Variants in CYTH3 observed in about 807,000 individuals in gnomAD.
The protein encoded by CYTH3 is cytohesin-3.
In CYTH3, 23 loss-of-function variants were observed where a neutral mutation model predicts 55.1. The ratio of observed to expected loss-of-function variants is 0.42; its 90% CI spans 0.30 to 0.59. The LOEUF (loss-of-function observed/expected upper bound fraction) is 0.59. Ranked by LOEUF, CYTH3 falls within the 20% of genes least tolerant of loss-of-function variation. The pLI is 0.20. For synonymous variants in CYTH3, 249 were observed against 194.9 expected (o/e 1.28, Z -2.31); for missense variants, 413 against 524.8 (o/e 0.79, Z 2.08).
intron 1 of CYTH3, among the ~76,000 whole-genome samples, chr7:6,230,466 T>C (rs770369241): frequency 1.3e-5 from 2 of 152,194 alleles, no homozygotes; most frequent in Non-Finnish European, 2.9e-5. Flanking sequence ...AAACCTGGAA[T>C]CCTAATTATC....
At chr7:6,166,931 G>A (rs78794658) in intron 9 of CYTH3, among the ~76,000 whole-genome samples, 2,004 of 152,226 alleles carry the variant, frequency 0.013, 26 homozygotes, top group Middle Eastern at 0.061. Flanking sequence ...CCTGTTAAAG[G>A]GTCTGTCTAG....
chr7:6,202,830 C>T (rs1467838840), intron 1 of CYTH3, among the ~76,000 whole-genome samples: 3 of 152,062 alleles, frequency 2.0e-5, no homozygotes, highest in Admixed American at 2.0e-4. Flanking sequence ...GATACATTTA[C>T]AATGAACATA....
At chr7:6,212,490 G>A (rs1418004238) in intron 1 of CYTH3, 1 of 151,966 alleles carries the variant, frequency 6.6e-6, no homozygotes, top group Non-Finnish European at 1.5e-5. Context: ...AACTACTCAG[G>A]TACCTCACAT....
At chr7:6,241,823 GC>G (rs1268821711) in intron 1 of CYTH3, among the ~76,000 whole-genome samples, 3 of 152,108 alleles carry the variant, frequency 2.0e-5, no homozygotes, top group African/African-American at 7.2e-5. Context: ...AAAATAAGGT[GC>G]GAAAAGGCTC....
intron 1 of CYTH3, among the ~76,000 whole-genome samples, chr7:6,212,341 C>T (rs1462652106): frequency 1.3e-5 from 2 of 152,198 alleles, no homozygotes; most frequent in African/African-American, 4.8e-5. Context: ...TATATTCACA[C>T]TGTTTTGCAA....
intron 4 of CYTH3, among the ~76,000 whole-genome samples, chr7:6,180,886 C>T (rs971698485): frequency 6.6e-6 from 1 of 152,166 alleles, no homozygotes; most frequent in African/African-American, 2.4e-5. Flanking sequence ...ACCCAAGTGT[C>T]TGTCTTGTCA....
rs781110781 is a variant in CYTH3 at position 6,170,559 on chromosome 7, G to A, written c.799C>T (p.Arg267Cys). The A allele has an allele frequency of 1.9e-6, 3 of 1,613,994 alleles. No individual in the cohort carries two copies. The highest frequency in any genetic ancestry group is 1.7e-5 in the Admixed American group (1 of 60,012). ...CCCAGCTTCAGGAGCCAGCCCTCGC[G>A]GTCGGGGTTGAAGAAGGTGTGGGTC... ...DLTHTFFNPD[R>C]EGWLLKLGGR... Residue 267 changes from arginine to cysteine, a missense_variant, in exon 9 of 13, where the codon CGC becomes TGC. Arg to Cys is a radical substitution (Grantham distance 180, BLOSUM62 -3). Around this residue, in one of 4 missense-constraint regions of CYTH3, gnomAD observed 156 missense variants for 233.1 expected, o/e 0.67. Transcript: ENST00000350796. This position sits in a 1 kb window ranked among gnomAD's most constrained non-coding sequence, Gnocchi z 7.8.
chr7:6,259,771 ATTATATATATATAATATATATATAT>A (rs1562417509), intron 1 of CYTH3, among the ~76,000 whole-genome samples: 2 of 22,358 alleles, frequency 8.9e-5, no homozygotes, highest in Non-Finnish European at 1.2e-4. Flanking sequence ...ATATATATAT[ATTATATATATATAATATATATATAT>A]ATATATATAT....
At chr7:6,201,298 C>G (rs376446832) in intron 1 of CYTH3, among the ~76,000 whole-genome samples, 11 of 152,302 alleles carry the variant, frequency 7.2e-5, no homozygotes, top group South Asian at 2.1e-4. Flanking sequence ...CCGCAGCTAG[C>G]CAGGATGCTG....
At chr7:6,249,804 AATG>A (rs1329259836) in intron 1 of CYTH3, among the ~76,000 whole-genome samples, 1 of 152,214 alleles carries the variant, frequency 6.6e-6, no homozygotes, top group Non-Finnish European at 1.5e-5. Flanking sequence ...GACACTGTGA[AATG>A]ATGACCACAG....
intron 1 of CYTH3, among the ~76,000 whole-genome samples, chr7:6,234,285 T>G (rs144702845): frequency 8.7e-4 from 132 of 152,184 alleles, no homozygotes; most frequent in Middle Eastern, 6.8e-3. Context: ...CAAAGATCAG[T>G]GAAGGAGGCA....
At chr7:6,181,296 T>G (rs902725247) in intron 4 of CYTH3, among the ~76,000 whole-genome samples, 3 of 152,270 alleles carry the variant, frequency 2.0e-5, no homozygotes, top group Admixed American at 1.3e-4. Flanking sequence ...ATTTCTTGTT[T>G]TGAGGTGTCA....
At chr7:6,189,131 C>T (rs777305580) in intron 2 of CYTH3, among the ~76,000 whole-genome samples, 38 of 152,144 alleles carry the variant, frequency 2.5e-4, no homozygotes, top group Admixed American at 6.5e-4. Context: ...AAGCCCCAAA[C>T]GGAAGGAGCC....
rs986105342 is a variant in CYTH3 at position 6,169,575 on chromosome 7, C to T, written c.823+960G>A. Among the ~76,000 whole-genome samples the T allele has an allele frequency of 6.6e-6, 1 of 152,186 alleles. No homozygotes were observed. The highest frequency in any genetic ancestry group is 2.4e-5 in the African/African-American group (1 of 41,428). Reference sequence around the variant, plus strand: ...TGTCTCACGTGCTGCCCAGCGGCCGCCTGCTCTCAGAAAGGCTTGCGTGAA... The same window carrying T: ...TGTCTCACGTGCTGCCCAGCGGCCGTCTGCTCTCAGAAAGGCTTGCGTGAA... On this transcript the variant is annotated intron_variant, in intron 9 of 12. Coordinates refer to ENST00000350796, the MANE Select transcript of CYTH3 (RefSeq NM_004227.4). The surrounding 1 kb of genome is among the most constrained non-coding windows in gnomAD (Gnocchi z 4.1).
chr7:6,205,510 G>A (rs1784163463), intron 1 of CYTH3, among the ~76,000 whole-genome samples: 1 of 151,132 alleles, frequency 6.6e-6, no homozygotes, highest in African/African-American at 2.4e-5. Flanking sequence ...GGAGGTAGAA[G>A]TCGCACTGAG....
At position 6,213,027 on chromosome 7, in the gene CYTH3, T is replaced by G. The variant is rs546288352; in HGVS notation, c.35-22496A>C. On this transcript the variant is annotated intron_variant, in intron 1 of 12. Transcript: ENST00000350796. ...CTACTGCACCTAGAAGTGCCATGTA[T>G]TAATACTATTAGTAGCATCCCGCTG... Among the ~76,000 whole-genome samples the G allele has an allele frequency of 4.0e-4, 61 of 152,362 alleles. 2 individuals carry two copies. The South Asian group carries it at 0.012, about 30-fold the overall frequency.
At chr7:6,165,641 G>C (rs1444222668) in intron 10 of CYTH3, 25 bp from the exon 11 acceptor site, 1 of 1,613,212 alleles carries the variant, frequency 6.2e-7, no homozygotes, top group Non-Finnish European at 8.5e-7. Context: ...TACACGGCGG[G>C]GCTCACTGTG....
At chr7:6,259,794 T>TATATATATATATATATA (rs1780276808) in intron 1 of CYTH3, among the ~76,000 whole-genome samples, 1 of 18,068 alleles carries the variant, frequency 5.5e-5, no homozygotes, top group Non-Finnish European at 7.9e-5. Flanking sequence ...AATATATATA[T>TATATATATATATATATA]ATATATATAT....
intron 1 of CYTH3, among the ~76,000 whole-genome samples, chr7:6,227,651 T>A (rs1779289500): frequency 6.6e-6 from 1 of 152,184 alleles, no homozygotes; most frequent in East Asian, 1.9e-4. Context: ...AACCTCTGGT[T>A]GGGGCCCAAG....
Sources: gnomAD v4.1 joint callset for allele counts (sites outside exome capture counted in the v4.1 genomes callset) on GRCh38, gnomAD v4.1.1 for gene constraint, gnomAD v4.1.1 regional missense constraint, Gnocchi (gnomAD v3.1) non-coding constraint, MANE v1.5 for transcripts, NCBI Gene and HGNC (gene_info 2026-07-23, HGNC 2026-07-21) for gene names.